The following TMC1 variants were observed in gnomAD, a reference collection of about 807,000 sequenced individuals.
TMC1 encodes transmembrane channel-like protein 1.
TMC1 carries 84 observed loss-of-function variants against 105.8 expected under a neutral mutation model. The observed-to-expected ratio is 0.79, with a 90% CI of 0.67 to 0.95. The LOEUF (loss-of-function observed/expected upper bound fraction) is 0.95, where lower values mean the gene tolerates loss of function less well. Among genes scored for constraint, TMC1 ranks in the 40% least tolerant of loss-of-function variants. TMC1 has a pLI of 0.00. For synonymous variants in TMC1, 315 were observed against 311.5 expected (o/e 1.01, Z -0.12); for missense variants, 817 against 914.1 (o/e 0.89, Z 1.37).
At chr9:72,835,766 A>T (rs1040028368) in intron 23 of TMC1, among the ~76,000 whole-genome samples, 185 bp from the exon 24 acceptor site, 4 of 150,820 alleles carry the variant, frequency 2.7e-5, no homozygotes, top group African/African-American at 9.7e-5. Context: ...AAACATGGAA[A>T]TATTTTGAAC....
chr9:72,524,505 C>T lies in TMC1; in HGVS notation c.-428+2592C>T, dbSNP rs376571674. Among the ~76,000 whole-genome samples, 251 of 152,240 alleles carry T rather than the reference C, an allele frequency of 1.6e-3. 2 individuals carry two copies. Among genetic ancestry groups the T allele is most frequent in the African/African-American group, 5.8e-3 (239 of 41,540 alleles). On this transcript the variant is annotated intron_variant, in intron 1 of 23. Coordinates refer to ENST00000297784, the MANE Select transcript of TMC1 (RefSeq NM_138691.3). ...GACTAATAATACATGATAAACTTCT[C>T]AAGGATGCGATCTCATTTGATCACT...
chr9:72,645,560 G>T (rs921764591), intron 4 of TMC1, among the ~76,000 whole-genome samples: 1 of 152,140 alleles, frequency 6.6e-6, no homozygotes, highest in Admixed American at 6.6e-5. Flanking sequence ...GAGGGTCAAA[G>T]AACAATAATA....
chr9:72,768,965 G>C lies in TMC1; in HGVS notation c.742-3448G>C, dbSNP rs148013545. 4.1e-3 allele frequency among the ~76,000 whole-genome samples: 617 copies of C among 152,324 alleles called. 4 individuals are homozygous for C. The highest frequency in any genetic ancestry group is 0.014 in the African/African-American group (582 of 41,564). On this transcript the variant is annotated intron_variant, in intron 12 of 23. Coordinates refer to ENST00000297784, the MANE Select transcript of TMC1 (RefSeq NM_138691.3). ...CCACCAGGGACCAGTCTAGGGTATA[G>C]ATCAAAGTCTGTGATGGGTTCATAG...
chr9:72,556,935 T>A (rs745956463), intron 1 of TMC1, among the ~76,000 whole-genome samples: 3 of 152,020 alleles, frequency 2.0e-5, no homozygotes, highest in Non-Finnish European at 4.4e-5. Flanking sequence ...ACATCTGGGG[T>A]TGGGGAGTGA....
At chr9:72,545,580 T>G (rs12346534) in intron 1 of TMC1, among the ~76,000 whole-genome samples, 3 of 151,890 alleles carry the variant, frequency 2.0e-5, no homozygotes, top group Admixed American at 2.0e-4. Flanking sequence ...CTCTGCCTCC[T>G]GGGTTCAAGT....
chr9:72,774,162 T>TG (rs945079824), intron 13 of TMC1, among the ~76,000 whole-genome samples: 3 of 152,220 alleles, frequency 2.0e-5, no homozygotes, highest in African/African-American at 7.2e-5. Flanking sequence ...TGTATGGTTA[T>TG]GCAGTTGTAC....
intron 1 of TMC1, among the ~76,000 whole-genome samples, chr9:72,540,878 A>G (rs547623415): frequency 4.1e-4 from 62 of 152,358 alleles, no homozygotes; most frequent in Admixed American, 3.9e-3. Context: ...AAATGGAGCT[A>G]CAATAGTACC....
chr9:72,827,175 G>A (rs1399158804), intron 21 of TMC1, among the ~76,000 whole-genome samples, 181 bp downstream of exon 21: 2 of 152,150 alleles, frequency 1.3e-5, no homozygotes, highest in African/African-American at 4.8e-5. Context: ...GATCCTATTG[G>A]ATGTAATTCA....
chr9:72,564,878 T>C (rs1824120235), intron 1 of TMC1, among the ~76,000 whole-genome samples: 1 of 152,230 alleles, frequency 6.6e-6, no homozygotes, highest in Non-Finnish European at 1.5e-5. Flanking sequence ...GCAGCTTCAT[T>C]TGCAAAAATT....
chr9:72,596,291 T>C (rs1824718915), intron 2 of TMC1, among the ~76,000 whole-genome samples: 1 of 152,232 alleles, frequency 6.6e-6, no homozygotes, highest in Non-Finnish European at 1.5e-5. Context: ...CAGAAAAAGG[T>C]GCTGGTCACT....
intron 5 of TMC1, among the ~76,000 whole-genome samples, chr9:72,672,927 A>G (rs997719138): frequency 6.6e-6 from 1 of 152,034 alleles, no homozygotes; most frequent in African/African-American, 2.4e-5. Context: ...TTTCTTCAAG[A>G]GAACACAGAA....
In TMC1 at chr9:72,662,960, AT is replaced by A. The variant is rs527574300; in HGVS notation, c.16+14300del. ...ATTCTTGTAACCACCCAAGGGGTTC[AT>A]TTTGCCTGCTACCTGGATACAGCCA... On this transcript the variant is annotated intron_variant, in intron 5 of 23. Coordinates refer to ENST00000297784, the MANE Select transcript of TMC1 (RefSeq NM_138691.3). 2.0e-5 allele frequency among the ~76,000 whole-genome samples: 3 copies of A among 152,330 alleles called. No individual in the cohort carries two copies. The East Asian group carries it at 5.8e-4, about 29-fold the overall frequency.
intron 1 of TMC1, among the ~76,000 whole-genome samples, chr9:72,545,137 T>TATACAC (rs1381058997): frequency 1.4e-5 from 2 of 148,078 alleles, no homozygotes; most frequent in Admixed American, 1.4e-4. Context: ...GATATATATA[T>TATACAC]ACACACACAC....
chr9:72,764,776 A>G lies in TMC1; in HGVS notation c.742-7637A>G, dbSNP rs530315735. 3.5e-4 allele frequency among the ~76,000 whole-genome samples: 54 copies of G among 152,338 alleles called. No homozygotes were observed. In the South Asian group the frequency reaches 0.011, roughly 30 times the overall value. The stretch of plus-strand genomic sequence containing the variant: ...TTTTGTTCATTCAATCACTCCACAA[A>G]TATAAATTGAAGTCAGATGTTGGGA... On this transcript the variant is annotated intron_variant, in intron 12 of 23. Transcript: ENST00000297784.
At chr9:72,807,118 C>G (rs35260364) in intron 18 of TMC1, among the ~76,000 whole-genome samples, 1 of 152,146 alleles carries the variant, frequency 6.6e-6, no homozygotes, top group Admixed American at 6.5e-5. Context: ...TCAGGCGTGT[C>G]GGCGCGAGCC....
Position 72,620,421 on chromosome 9 carries a change from A to AT in TMC1, c.-196+3954dup, listed in dbSNP as rs564023501. 8.1e-4 allele frequency among the ~76,000 whole-genome samples: 121 copies of AT among 149,204 alleles called. 1 individual carries two copies. Among genetic ancestry groups the AT allele is most frequent in the African/African-American group, 2.7e-3 (108 of 40,668 alleles). On this transcript the variant is annotated intron_variant, in intron 3 of 23. Coordinates refer to ENST00000297784, the MANE Select transcript of TMC1 (RefSeq NM_138691.3). ...CCATGCCTGGCTAATTAAAAAAAGA[A>AT]TTTTTTTTTTGTAGCAATGAGGTCT...
At chr9:72,657,285 G>A (rs72733012) in intron 5 of TMC1, among the ~76,000 whole-genome samples, 15,087 of 152,194 alleles carry the variant, frequency 0.099, 796 homozygotes, top group Non-Finnish European at 0.13. Context: ...AGGCAACATC[G>A]GGGTCATCTC....
At chr9:72,604,254 TG>T (rs1824872714) in intron 2 of TMC1, among the ~76,000 whole-genome samples, 1 of 152,202 alleles carries the variant, frequency 6.6e-6, no homozygotes, top group Non-Finnish European at 1.5e-5. Context: ...AAATAAATAC[TG>T]TTTTTTTGTT....
At position 72,686,045 on chromosome 9, in the gene TMC1, T is replaced by G. The variant is rs11143371; in HGVS notation, c.17-2664T>G. Among the ~76,000 whole-genome samples, 463 of 152,362 alleles carry G rather than the reference T, an allele frequency of 3.0e-3. 6 individuals carry two copies. The highest frequency in any genetic ancestry group is 0.011 in the African/African-American group (449 of 41,598). Reference sequence around the variant, plus strand: ...ACATTTTGCTGTTGTTTCTTTTTACTGTTTTTAATTACTGAGTCTATCTGC... The same window carrying G: ...ACATTTTGCTGTTGTTTCTTTTTACGGTTTTTAATTACTGAGTCTATCTGC... On this transcript the variant is annotated intron_variant, in intron 5 of 23. Transcript: ENST00000297784.
Sources: allele counts gnomAD v4.1 joint callset (sites outside exome capture counted in the v4.1 genomes callset), GRCh38; gene constraint gnomAD v4.1.1; transcripts MANE v1.5; gene names NCBI Gene and HGNC (gene_info 2026-07-23, HGNC 2026-07-21).